The following GABBR2 variants were observed in gnomAD, a reference collection of about 807,000 sequenced individuals.
The protein encoded by GABBR2 is gamma-aminobutyric acid type B receptor subunit 2, also known as G-protein coupled receptor 51.
A neutral mutation model predicts 105.6 loss-of-function variants in GABBR2; 23 were observed. That is an observed-to-expected ratio of 0.22 (90% CI 0.16 to 0.31). GABBR2 has a LOEUF of 0.31. Ranked by LOEUF, GABBR2 falls within the 10% of genes least tolerant of loss-of-function variation. The probability of loss-of-function intolerance (pLI) is 1.00; values close to 1 mark genes in which losing one functional copy is unlikely to be tolerated. For synonymous variants in GABBR2, 478 were observed against 499.7 expected (o/e 0.96, Z 0.58); for missense variants, 734 against 1,245.5 (o/e 0.59, Z 6.18).
chr9:98,451,584 G>T (rs1826230649), intron 7 of GABBR2, among the ~76,000 whole-genome samples: 1 of 152,164 alleles, frequency 6.6e-6, no homozygotes, highest in South Asian at 2.1e-4. Context: ...CACCTGCAGG[G>T]TTTGTTAAAA....
chr9:98,536,171 G>C (rs1828176183), intron 3 of GABBR2, among the ~76,000 whole-genome samples: 1 of 152,154 alleles, frequency 6.6e-6, no homozygotes, highest in Non-Finnish European at 1.5e-5. Flanking sequence ...AAACAAAGCA[G>C]AGGCACAAAG....
Position 98,303,037 on chromosome 9 carries a change from G to A in GABBR2, c.2412+204C>T, listed in dbSNP as rs56072170. On this transcript the variant is annotated intron_variant, in intron 16 of 18. Coordinates refer to ENST00000259455, the MANE Select transcript of GABBR2 (RefSeq NM_005458.8). ...TGCTGGCCTCCAAGAGCCTGGGTGA[G>A]GTGGGCAATAAGCTCATGTTGGATT... 0.03 allele frequency: 14,961 copies of A among 497,120 alleles called. 1,919 individuals are homozygous for A. Among genetic ancestry groups the A allele is most frequent in the African/African-American group, 0.27 (13,547 of 50,824 alleles). 30.8% of individuals were successfully genotyped at this position (497,120 alleles called of 1,614,324 possible).
At chr9:98,654,710 T>C (rs1357712755) in intron 1 of GABBR2, among the ~76,000 whole-genome samples, 2 of 152,160 alleles carry the variant, frequency 1.3e-5, no homozygotes, top group African/African-American at 2.4e-5. Flanking sequence ...AACTACATCA[T>C]GTGTATGAAG....
chr9:98,586,753 T>A lies in GABBR2; in HGVS notation c.322-8681A>T, dbSNP rs1829082995. ...TGGCTCCACATTATGTTTGTGAGATTTTTGCCGCTGAATATAGCTGTGGTT... is the reference window on the plus strand; with the variant it reads ...TGGCTCCACATTATGTTTGTGAGATATTTGCCGCTGAATATAGCTGTGGTT... On this transcript the variant is annotated intron_variant, in intron 1 of 18. Coordinates refer to ENST00000259455, the MANE Select transcript of GABBR2 (RefSeq NM_005458.8). Among the ~76,000 whole-genome samples the A allele has an allele frequency of 2.0e-5, 3 of 152,260 alleles. No homozygotes were observed. In the South Asian group the frequency reaches 6.2e-4, roughly 31 times the overall value.
chr9:98,684,291 T>G lies in GABBR2; in HGVS notation c.321+24126A>C, dbSNP rs530167668. Among the ~76,000 whole-genome samples the G allele has an allele frequency of 1.4e-4, 21 of 151,794 alleles. No homozygotes were observed. In the South Asian group the frequency reaches 4.2e-3, roughly 30 times the overall value. On this transcript the variant is annotated intron_variant, in intron 1 of 18. Transcript: ENST00000259455. The stretch of plus-strand genomic sequence containing the variant: ...AAATCACCATGGTATCAACAGTGAT[T>G]GTGTTAGATAGTCAGGTTATAAGTG...
chr9:98,330,565 G>A (rs568709249), intron 13 of GABBR2, among the ~76,000 whole-genome samples: 3 of 152,266 alleles, frequency 2.0e-5, no homozygotes, highest in South Asian at 4.2e-4. Context: ...TATTGGACCC[G>A]ACAATCATTT....
At chr9:98,538,175 G>A (rs957271180) in intron 3 of GABBR2, among the ~76,000 whole-genome samples, 1 of 152,222 alleles carries the variant, frequency 6.6e-6, no homozygotes, top group Non-Finnish European at 1.5e-5. Context: ...TTCAGTACCT[G>A]CAAGGTAGGA....
At chr9:98,318,057 G>A (rs916970408) in intron 13 of GABBR2, among the ~76,000 whole-genome samples, 1 of 152,190 alleles carries the variant, frequency 6.6e-6, no homozygotes, top group Non-Finnish European at 1.5e-5. Context: ...CAAGGGAAAA[G>A]AACCTGAAAT....
intron 13 of GABBR2, among the ~76,000 whole-genome samples, chr9:98,313,962 A>AT (rs1321549025): frequency 1.3e-5 from 2 of 152,130 alleles, no homozygotes; most frequent in Non-Finnish European, 2.9e-5. Context: ...GGTTCAGGCC[A>AT]TTTTTTGACC....
chr9:98,395,438 C>T (rs900504094), intron 8 of GABBR2, among the ~76,000 whole-genome samples: 1 of 151,930 alleles, frequency 6.6e-6, no homozygotes, highest in Non-Finnish European at 1.5e-5. Context: ...CAGGAGTCAT[C>T]GGCATGGAAG....
At chr9:98,497,206 G>A (rs1739972358) in intron 3 of GABBR2, among the ~76,000 whole-genome samples, 1 of 152,170 alleles carries the variant, frequency 6.6e-6, no homozygotes, top group South Asian at 2.1e-4. Flanking sequence ...GTTCAAGACT[G>A]CAGTGAGCCG....
chr9:98,647,324 C>T (rs898336868), intron 1 of GABBR2, among the ~76,000 whole-genome samples: 2 of 152,242 alleles, frequency 1.3e-5, no homozygotes, highest in African/African-American at 4.8e-5. Context: ...GACCTGCACC[C>T]TTTCACACAG....
At chr9:98,645,969 T>C (rs1438502463) in intron 1 of GABBR2, among the ~76,000 whole-genome samples, 1 of 152,182 alleles carries the variant, frequency 6.6e-6, no homozygotes, top group Non-Finnish European at 1.5e-5. Context: ...TTGCCCACAA[T>C]TACCTAGCAA....
chr9:98,660,412 T>C (rs1175385275), intron 1 of GABBR2, among the ~76,000 whole-genome samples: 1 of 152,206 alleles, frequency 6.6e-6, no homozygotes, highest in Non-Finnish European at 1.5e-5. Flanking sequence ...AACCTGAGAG[T>C]AAAAGCGTAT....
rs1588082858 is a variant in GABBR2, at chr9:98,290,460, T to C, written c.*124A>G. ...GTCCACCTGAGTGCCATCCGAGTGG[T>C]CCTGAGAGGCCAGCCATGGTGCCCA... On this transcript the variant is annotated 3_prime_UTR_variant, in exon 19 of 19. Coordinates refer to ENST00000259455, the MANE Select transcript of GABBR2 (RefSeq NM_005458.8). 6.7e-6 allele frequency: 4 copies of C among 601,208 alleles called. No individual in the cohort carries two copies. The highest frequency in any genetic ancestry group is 7.5e-6 in the Non-Finnish European group (3 of 399,702). 37.2% of individuals were successfully genotyped at this position (601,208 alleles called of 1,614,324 possible). A position where few individuals can be genotyped will look rare whatever the true frequency, so the allele number is the denominator to read the frequency against.
chr9:98,574,437 A>T (rs1447900946), intron 2 of GABBR2, among the ~76,000 whole-genome samples: 1 of 152,174 alleles, frequency 6.6e-6, no homozygotes, highest in African/African-American at 2.4e-5. Flanking sequence ...CATGGAGAGG[A>T]GCCACACTGG....
rs917044922 is a variant in GABBR2 at position 98,600,603 on chromosome 9, AG to A, written c.322-22532del. 7.1e-4 allele frequency among the ~76,000 whole-genome samples: 108 copies of A among 152,374 alleles called. 1 individual carries two copies. The highest frequency in any genetic ancestry group is 2.4e-3 in the African/African-American group (100 of 41,590). On this transcript the variant is annotated intron_variant, in intron 1 of 18. Coordinates refer to ENST00000259455, the MANE Select transcript of GABBR2 (RefSeq NM_005458.8). ...GCTCAGCAAGTGCCCAGTACAAAGA[AG>A]GGCTCAGTAAACATCAGCTGTCACC...
At chr9:98,589,874 C>T (rs59614727) in intron 1 of GABBR2, among the ~76,000 whole-genome samples, 5 of 152,012 alleles carry the variant, frequency 3.3e-5, no homozygotes, top group African/African-American at 1.2e-4. Context: ...ACCACCACCA[C>T]CACACTAATT....
At chr9:98,515,118 C>T (rs1827732674) in intron 3 of GABBR2, among the ~76,000 whole-genome samples, 1 of 152,144 alleles carries the variant, frequency 6.6e-6, no homozygotes, top group Non-Finnish European at 1.5e-5. Context: ...CCCGCCATGA[C>T]AGGTGTGCAA....
Sources: allele counts gnomAD v4.1 joint callset (sites outside exome capture counted in the v4.1 genomes callset), GRCh38; gene constraint gnomAD v4.1.1; transcripts MANE v1.5; gene names NCBI Gene and HGNC (gene_info 2026-07-23, HGNC 2026-07-21).